GLP1R: variants seen among roughly 807,000 people sequenced by gnomAD.
The protein encoded by GLP1R is glucagon-like peptide 1 receptor.
In GLP1R, 32 loss-of-function variants were observed where a neutral mutation model predicts 68.4. The observed-to-expected ratio is 0.47, with a 90% CI of 0.35 to 0.63. The LOEUF is 0.63. Among genes scored for constraint, GLP1R ranks in the 20% least tolerant of loss-of-function variants. The probability of loss-of-function intolerance (pLI) is 0.00; values close to 1 mark genes in which losing one functional copy is unlikely to be tolerated. For synonymous variants in GLP1R, 263 were observed against 244.4 expected, an observed-to-expected ratio of 1.08 and a Z score of -0.71; for missense variants, 502 against 594.9, an observed-to-expected ratio of 0.84 and a Z score of 1.62.
intron 7 of GLP1R, among the ~76,000 whole-genome samples, chr6:39,075,638 T>C (rs2150833850): frequency 6.6e-6 from 1 of 152,010 alleles, no homozygotes; most frequent in South Asian, 2.1e-4. Context: ...TTCTTGAGGA[T>C]TGGGGTGGGG....
In GLP1R at chr6:39,073,692, T is replaced by C; in HGVS notation, c.746T>C (p.Val249Ala). The change falls in exon 7 of 13, where the codon GTG becomes GCG. Residue 249 changes from valine to alanine, a missense_variant. Physicochemically the swap from Val to Ala is moderately conservative, Grantham distance 64. Transcript: ENST00000373256. ...TACTACTGGCTCTTGGTGGAGGGCG[T>C]GTACCTGTACACACTGCTGGCCTTC... The part of the protein sequence containing the change: ...ANYYWLLVEG[V>A]YLYTLLAFSV... 1 of 1,613,676 alleles carries C rather than the reference T, an allele frequency of 6.2e-7. No homozygotes were observed. The highest frequency in any genetic ancestry group is 8.5e-7 in the Non-Finnish European group (1 of 1,179,602).
chr6:39,055,165 A>G (rs1177210143), intron 1 of GLP1R, among the ~76,000 whole-genome samples: 1 of 152,214 alleles, frequency 6.6e-6, no homozygotes, highest in Non-Finnish European at 1.5e-5. Context: ...GTGATAAGCC[A>G]GCTAGAACCC....
chr6:39,086,197 A>ACG lies in GLP1R; in HGVS notation c.*125_*126insGC, dbSNP rs1440857037. ...CACACACACACACACACACACACAC[A>ACG]CACACACATACATCCTGCTTTCCCT... On this transcript the variant is annotated 3_prime_UTR_variant, in exon 13 of 13. Transcript: ENST00000373256. The surrounding 1 kb of genome is among the most constrained non-coding windows in gnomAD (Gnocchi z 4.5). 3.4e-6 allele frequency: 2 copies of ACG among 592,892 alleles called. No individual in the cohort carries two copies. Among genetic ancestry groups the ACG allele is most frequent in the Non-Finnish European group, 5.4e-6 (2 of 367,996 alleles). The allele number at this position is 592,892 out of a possible 1,614,324, so 36.7% of individuals were successfully genotyped here.
chr6:39,082,898 G>A (rs1243865436), intron 12 of GLP1R, among the ~76,000 whole-genome samples: 1 of 151,880 alleles, frequency 6.6e-6, no homozygotes, highest in African/African-American at 2.4e-5. Flanking sequence ...CACTGTCACT[G>A]CAGCCCTACT....
At chr6:39,081,757 G>A (rs1383347338) in intron 12 of GLP1R, among the ~76,000 whole-genome samples, 1 of 152,226 alleles carries the variant, frequency 6.6e-6, no homozygotes, top group African/African-American at 2.4e-5. Flanking sequence ...GCAGGCTTTG[G>A]CATCTTATTT....
In GLP1R at chr6:39,080,681, G is replaced by T; in HGVS notation, c.1183-17G>T. 6.3e-7 allele frequency: 1 copy of T among 1,585,072 alleles called. No individual in the cohort carries two copies. The highest frequency in any genetic ancestry group is 8.6e-7 in the Non-Finnish European group (1 of 1,161,448). On this transcript the variant is annotated splice_polypyrimidine_tract_variant and intron_variant, in intron 11 of 12. Transcript: ENST00000373256. ...TCCCTCCTGCTTCCTCCCTCTTGATGTGACTCTTGTTTCCAGGGGCTGATG... is the reference window on the plus strand; with the variant it reads ...TCCCTCCTGCTTCCTCCCTCTTGATTTGACTCTTGTTTCCAGGGGCTGATG...
intron 5 of GLP1R, among the ~76,000 whole-genome samples, chr6:39,068,714 G>C (rs1768583772): frequency 6.6e-6 from 1 of 152,182 alleles, no homozygotes; most frequent in Non-Finnish European, 1.5e-5. Flanking sequence ...TAGCCAAGGA[G>C]CACTGCACCC....
At chr6:39,071,335 G>A (rs183205402) in intron 5 of GLP1R, among the ~76,000 whole-genome samples, 1,331 of 91,230 alleles carry the variant, frequency 0.015, 9 homozygotes, top group Non-Finnish European at 0.019. Flanking sequence ...GACAGAGCAA[G>A]ATTCCATCTC....
intron 5 of GLP1R, among the ~76,000 whole-genome samples, chr6:39,067,466 A>G (rs1024125581): frequency 6.6e-6 from 1 of 152,224 alleles, no homozygotes; most frequent in Non-Finnish European, 1.5e-5. Flanking sequence ...GTGTCCTCAC[A>G]TGGCAGAGGG....
chr6:39,078,262 T>A, intron 7 of GLP1R, 60 bp from the exon 8 acceptor site: 13 of 1,227,448 alleles, frequency 1.1e-5, no homozygotes, highest in Non-Finnish European at 1.5e-5. Context: ...GGCCTCGGCA[T>A]GTAGACTGTG....
At chr6:39,066,172 C>T (rs745959334) in intron 4 of GLP1R, 25 bp from the exon 5 acceptor site, 2 of 1,283,214 alleles carry the variant, frequency 1.6e-6, no homozygotes, top group East Asian at 2.3e-5. Context: ...TGCCCATGTA[C>T]ACGTATGTCC....
intron 12 of GLP1R, 79 bp from the exon 13 acceptor site, chr6:39,085,827 C>T (rs1583655509): frequency 1.3e-5 from 17 of 1,327,322 alleles, no homozygotes; most frequent in Non-Finnish European, 1.8e-5. Context: ...TTCCCTTCCC[C>T]ACTAATGTAA....
chr6:39,056,765 G>A (rs1162968132), intron 2 of GLP1R, among the ~76,000 whole-genome samples: 5 of 152,104 alleles, frequency 3.3e-5, no homozygotes, highest in Non-Finnish European at 5.9e-5. Flanking sequence ...GCCCTTACTC[G>A]TTTGCTGTAG....
chr6:39,087,460 C>A lies in GLP1R; in HGVS notation c.*1387C>A, dbSNP rs1319509872. ...TGACACACAGCAGCACTGCAGATAG[C>A]CAGACACATGGCTATCCTAGAGAGG... is the stretch of plus-strand genomic sequence containing the variant. On this transcript the variant is annotated 3_prime_UTR_variant, in exon 13 of 13. Coordinates refer to ENST00000373256, the MANE Select transcript of GLP1R (RefSeq NM_002062.5). The A allele has an allele frequency of 6.6e-6, 1 of 152,192 alleles. No individual in the cohort carries two copies. Among genetic ancestry groups the A allele is most frequent in the Non-Finnish European group, 1.5e-5 (1 of 68,056 alleles). 9.4% of individuals were successfully genotyped at this position (152,192 alleles called of 1,614,324 possible). A position where few individuals can be genotyped will look rare whatever the true frequency, so the allele number is the denominator to read the frequency against.
In GLP1R at chr6:39,063,828, G is replaced by A. The variant is rs763459728; in HGVS notation, c.284-1883G>A. On this transcript the variant is annotated intron_variant, in intron 3 of 12. Coordinates refer to ENST00000373256, the MANE Select transcript of GLP1R (RefSeq NM_002062.5). ...GCTAGGGTGAAAAATAGAACTCCCA[G>A]ACTAGATGGTTGCCCCTGTCCTGCA... 2.2e-4 allele frequency among the ~76,000 whole-genome samples: 33 copies of A among 151,678 alleles called. No homozygotes were observed. The South Asian group carries it at 2.5e-3, about 12-fold the overall frequency.
intron 6 of GLP1R, 67 bp from the exon 7 acceptor site, chr6:39,073,543 G>A: frequency 7.3e-7 from 1 of 1,368,552 alleles, no homozygotes; most frequent in Non-Finnish European, 1.0e-6. Context: ...GAGCAGGACG[G>A]GGAGTGGTAT....
In GLP1R at chr6:39,057,486, CG is replaced by C. The variant is rs1562004580; in HGVS notation, c.192del (p.Thr65ProfsTer17). 1.2e-6 allele frequency: 2 copies of C among 1,611,902 alleles called. No individual in the cohort carries two copies. On this transcript the variant is annotated frameshift_variant, in exon 3 of 13. Coordinates refer to ENST00000373256, the MANE Select transcript of GLP1R (RefSeq NM_002062.5). LOFTEE classifies it high-confidence loss of function. ...TCTGCTCCCAGACTTGTTCTGCAAC[CG>C]GACCTTCGATGAATACGCCTGCTGG... is the stretch of plus-strand genomic sequence containing the variant. ...PPPATDLFCN[R>X]TFDEYACWPD... is the part of the protein sequence containing the mutation.
rs901633984 is a variant in GLP1R, at chr6:39,089,777, T to C, written c.*3704T>C. On this transcript the variant is annotated 3_prime_UTR_variant, in exon 13 of 13. Coordinates refer to ENST00000373256, the MANE Select transcript of GLP1R (RefSeq NM_002062.5). This position sits in a 1 kb window ranked among gnomAD's most constrained non-coding sequence, Gnocchi z 4.1. ...CTAAGTGGTAGATGCTTCCTCTCCA[T>C]GCGCAGACAGGGCTCCCATTATTTG... Among the ~76,000 whole-genome samples, 5 of 152,168 alleles carry C rather than the reference T, an allele frequency of 3.3e-5. No homozygotes were observed. Among genetic ancestry groups the C allele is most frequent in the African/African-American group, 1.2e-4 (5 of 41,432 alleles).
intron 1 of GLP1R, among the ~76,000 whole-genome samples, chr6:39,050,882 G>T (rs1450222923): frequency 6.6e-6 from 1 of 152,100 alleles, no homozygotes. Flanking sequence ...TGAAGGGCTG[G>T]GCTCTTGACC....
Sources: allele counts gnomAD v4.1 joint callset (sites outside exome capture counted in the v4.1 genomes callset), GRCh38; gene constraint gnomAD v4.1.1; non-coding constraint Gnocchi (gnomAD v3.1); transcripts MANE v1.5; gene names NCBI Gene and HGNC (gene_info 2026-07-23, HGNC 2026-07-21).